The following MYO5B variants were observed in gnomAD, a reference collection of about 807,000 sequenced individuals.
The protein encoded by MYO5B is myosin VB.
In MYO5B, 143 loss-of-function variants were observed where a neutral mutation model predicts 229.3. The ratio of observed to expected loss-of-function variants is 0.62; its 90% CI spans 0.54 to 0.72. The LOEUF (loss-of-function observed/expected upper bound fraction) is 0.72, where lower values mean the gene tolerates loss of function less well. Ranked by LOEUF, MYO5B falls within the 30% of genes least tolerant of loss-of-function variation. The pLI, the probability that MYO5B is intolerant of heterozygous loss-of-function variation, is 0.00. For synonymous variants in MYO5B, 918 were observed against 885.2 expected (o/e 1.04, Z -0.66); for missense variants, 2,321 against 2,331.0 (o/e 1.00, Z 0.09).
At chr18:50,116,261 G>A (rs867285594) in intron 1 of MYO5B, among the ~76,000 whole-genome samples, 2 of 152,178 alleles carry the variant, frequency 1.3e-5, no homozygotes, top group South Asian at 2.1e-4. Context: ...TCTCTCTGCA[G>A]TATAGGCGGA....
intron 1 of MYO5B, among the ~76,000 whole-genome samples, chr18:50,168,241 C>T (rs2032880936): frequency 2.0e-5 from 3 of 152,322 alleles, no homozygotes; most frequent in Middle Eastern, 3.4e-3. Flanking sequence ...ACTGCCAAAG[C>T]ACAGCAAGGC....
chr18:50,170,666 G>A (rs2032909476), intron 1 of MYO5B, among the ~76,000 whole-genome samples: 2 of 126,630 alleles, frequency 1.6e-5, no homozygotes, highest in Admixed American at 8.6e-5. Flanking sequence ...TTAAGCCACT[G>A]GTCCAAGGTC....
chr18:50,038,311 G>A (rs1238470580), intron 3 of MYO5B, among the ~76,000 whole-genome samples: 1 of 152,182 alleles, frequency 6.6e-6, no homozygotes, highest in Non-Finnish European at 1.5e-5. Flanking sequence ...CCGACATTGT[G>A]TTCCCTTCTG....
At chr18:50,125,050 C>T in intron 1 of MYO5B, among the ~76,000 whole-genome samples, 1 of 152,086 alleles carries the variant, frequency 6.6e-6, no homozygotes, top group African/African-American at 2.4e-5. Context: ...GGGGAGCCTG[C>T]CACAGATGGT....
Position 49,875,409 on chromosome 18 carries a change from A to T in MYO5B, c.3537+278T>A, listed in dbSNP as rs1217626. Among the ~76,000 whole-genome samples the T allele has an allele frequency of 0.51, 76,817 of 151,892 alleles. 19,694 individuals carry two copies. Among genetic ancestry groups the T allele is most frequent in the Middle Eastern group, 0.62 (179 of 290 alleles). On this transcript the variant is annotated intron_variant, in intron 26 of 39. Transcript: ENST00000285039. ...ACACACCCTGGTCCTCCTGGCAGGGAGCTCCCCTCTTTGCAAGTAGGTGAT... is the reference window on the plus strand; with the variant it reads ...ACACACCCTGGTCCTCCTGGCAGGGTGCTCCCCTCTTTGCAAGTAGGTGAT...
intron 1 of MYO5B, among the ~76,000 whole-genome samples, chr18:50,089,968 T>C (rs2031412729): frequency 1.3e-5 from 2 of 152,090 alleles, no homozygotes; most frequent in South Asian, 4.2e-4. Context: ...GTCAAACCAA[T>C]CCCCTGAGAC....
chr18:49,988,852 G>A (rs912912825), intron 7 of MYO5B, among the ~76,000 whole-genome samples: 1 of 152,158 alleles, frequency 6.6e-6, no homozygotes, highest in East Asian at 1.9e-4. Context: ...CTGCTTAGCA[G>A]GGAACACACA....
chr18:50,179,532 T>C (rs112106051), intron 1 of MYO5B, among the ~76,000 whole-genome samples: 1,876 of 152,224 alleles, frequency 0.012, 40 homozygotes, highest in African/African-American at 0.043. Context: ...CAACGGTGCA[T>C]AGTGGAGCCA....
Position 49,984,711 on chromosome 18 carries a change from T to C in MYO5B, c.946+7A>G. On this transcript the variant is annotated splice_region_variant and intron_variant, in intron 8 of 39. Coordinates refer to ENST00000285039, the MANE Select transcript of MYO5B (RefSeq NM_001080467.3). ...GGGCCTGCTTCCCCAACTAAGAAGC[T>C]CCTTACCGAGGAGTGTGAAGGCTTG... is the stretch of plus-strand genomic sequence containing the variant. 4 of 1,597,726 alleles carry C rather than the reference T, an allele frequency of 2.5e-6. No homozygotes were observed. In the South Asian group the frequency reaches 3.3e-5, roughly 13 times the overall value.
At chr18:49,964,469 C>T (rs926815968) in intron 10 of MYO5B, among the ~76,000 whole-genome samples, 1 of 152,126 alleles carries the variant, frequency 6.6e-6, no homozygotes, top group African/African-American at 2.4e-5. Flanking sequence ...ACATTTTCAT[C>T]ACCTGGAAAA....
intron 1 of MYO5B, among the ~76,000 whole-genome samples, chr18:50,117,043 A>G (rs1296672814): frequency 2.0e-5 from 3 of 152,198 alleles, no homozygotes; most frequent in Non-Finnish European, 4.4e-5. Flanking sequence ...TGAGATAAAC[A>G]TTAACCCTAT....
intron 1 of MYO5B, among the ~76,000 whole-genome samples, chr18:50,133,869 G>A (rs1012736458): frequency 6.6e-6 from 1 of 152,086 alleles, no homozygotes; most frequent in Admixed American, 6.5e-5. Flanking sequence ...GGAGGTGGGG[G>A]GAGTTATTTA....
chr18:50,044,761 G>A (rs946337702), intron 2 of MYO5B, among the ~76,000 whole-genome samples: 3 of 152,254 alleles, frequency 2.0e-5, no homozygotes, highest in African/African-American at 4.8e-5. Flanking sequence ...GGTAGGTCTC[G>A]ATTAACAGAG....
At chr18:50,105,516 C>T (rs1395958622) in intron 1 of MYO5B, among the ~76,000 whole-genome samples, 3 of 152,150 alleles carry the variant, frequency 2.0e-5, no homozygotes, top group Non-Finnish European at 2.9e-5. Context: ...CCTTAAGTTC[C>T]GTACTTCATG....
At chr18:49,838,057 C>A (rs2024012025) in intron 36 of MYO5B, among the ~76,000 whole-genome samples, 1 of 152,224 alleles carries the variant, frequency 6.6e-6, no homozygotes, top group Non-Finnish European at 1.5e-5. Flanking sequence ...CATGTACCAG[C>A]TCGATTTGGT....
intron 1 of MYO5B, among the ~76,000 whole-genome samples, chr18:50,083,066 T>C (rs1042473053): frequency 6.6e-6 from 1 of 152,178 alleles, no homozygotes; most frequent in Non-Finnish European, 1.5e-5. Context: ...GCTCAGTAAT[T>C]TACCAGAACA....
chr18:50,128,650 C>G (rs900572731), intron 1 of MYO5B, among the ~76,000 whole-genome samples: 2 of 152,186 alleles, frequency 1.3e-5, no homozygotes, highest in Non-Finnish European at 2.9e-5. Context: ...CAGTTCTGCA[C>G]CCTGCCCAGG....
chr18:50,109,071 A>G (rs2031815590), intron 1 of MYO5B, among the ~76,000 whole-genome samples: 1 of 152,218 alleles, frequency 6.6e-6, no homozygotes, highest in Non-Finnish European at 1.5e-5. Flanking sequence ...AGTGATTTTT[A>G]AAGCCCTAGA....
At chr18:49,879,199 A>C in intron 23 of MYO5B, 109 bp from the exon 24 acceptor site, 7 of 1,355,694 alleles carry the variant, frequency 5.2e-6, no homozygotes, top group Non-Finnish European at 7.3e-6. Flanking sequence ...TGACGAGCTC[A>C]TCAGAGGCTC....
Sources: gnomAD v4.1 joint callset for allele counts (sites outside exome capture counted in the v4.1 genomes callset) on GRCh38, gnomAD v4.1.1 for gene constraint, MANE v1.5 for transcripts, NCBI Gene and HGNC (gene_info 2026-07-23, HGNC 2026-07-21) for gene names.